Variants in TRIP12 observed in about 807,000 individuals in gnomAD.
TRIP12 encodes the protein thyroid hormone receptor interactor 12.
A neutral mutation model predicts 244.2 loss-of-function variants in TRIP12; 25 were observed. That is an observed-to-expected ratio of 0.10 (90% confidence interval 0.07 to 0.14). The LOEUF (loss-of-function observed/expected upper bound fraction) is 0.14. TRIP12 is among the 10% of genes least tolerant of loss of function. The probability of loss-of-function intolerance (pLI) is 1.00; values close to 1 mark genes in which losing one functional copy is unlikely to be tolerated. For synonymous variants in TRIP12, 905 were observed against 873.1 expected, an observed-to-expected ratio of 1.04 and a Z score of -0.64; for missense variants, 1,677 against 2,486.4, an observed-to-expected ratio of 0.67 and a Z score of 6.92.
intron 1 of TRIP12, among the ~76,000 whole-genome samples, chr2:229,905,424 A>T (rs375796901): frequency 7.9e-5 from 12 of 152,344 alleles, no homozygotes; most frequent in African/African-American, 2.9e-4. Context: ...GCAAAACGTT[A>T]TACACAATAA....
rs770166780 is a variant in TRIP12 at position 229,796,556 on chromosome 2, C to A, written c.3816+35G>T. Reference sequence around the variant, plus strand: ...ATATATGCATTAGTGAGCACTGATTCTTAAAAGATACACAGGCATTATTAG... The same window carrying A: ...ATATATGCATTAGTGAGCACTGATTATTAAAAGATACACAGGCATTATTAG... On this transcript the variant is annotated intron_variant, in intron 25 of 41. Coordinates refer to ENST00000675903, the MANE Select transcript of TRIP12 (RefSeq NM_001348323.3). 146 of 1,519,710 alleles carry A rather than the reference C, an allele frequency of 9.6e-5. No individual in the cohort carries two copies. The Middle Eastern group carries it at 1.3e-3, about 14-fold the overall frequency. 94.1% of individuals were successfully genotyped at this position (1,519,710 alleles called of 1,614,324 possible). A position where few individuals can be genotyped will look rare whatever the true frequency, so the allele number is the denominator to read the frequency against.
At chr2:229,922,827 T>C (rs1317346642), upstream of TRIP12, among the ~76,000 whole-genome samples, 1 of 152,172 alleles carries the variant, frequency 6.6e-6, no homozygotes, top group Non-Finnish European at 1.5e-5. Flanking sequence ...CTGGCAAGCC[T>C]TCTCTGCCTC....
chr2:229,889,669 T>C (rs2066867420), intron 1 of TRIP12, among the ~76,000 whole-genome samples: 1 of 152,188 alleles, frequency 6.6e-6, no homozygotes, highest in East Asian at 1.9e-4. Flanking sequence ...CAGTTCCAAA[T>C]TTTTTAAGAC....
At chr2:229,911,863 G>A (rs1411545897) in intron 1 of TRIP12, among the ~76,000 whole-genome samples, 1 of 151,728 alleles carries the variant, frequency 6.6e-6, no homozygotes. Flanking sequence ...CCCAGAGTCA[G>A]TAATGGCTAG....
Position 229,767,068 on chromosome 2 carries a change from G to C in TRIP12, c.*486C>G, listed in dbSNP as rs2032012067. The C allele has an allele frequency of 6.6e-6, 1 of 152,656 alleles. No individual in the cohort carries two copies. Among genetic ancestry groups the C allele is most frequent in the Non-Finnish European group, 1.5e-5 (1 of 68,324 alleles). 9.5% of individuals were successfully genotyped at this position (152,656 alleles called of 1,614,324 possible). A position where few individuals can be genotyped will look rare whatever the true frequency, so the allele number is the denominator to read the frequency against. On this transcript the variant is annotated 3_prime_UTR_variant, in exon 42 of 42. Coordinates refer to ENST00000675903, the MANE Select transcript of TRIP12 (RefSeq NM_001348323.3). Reference sequence around the variant, plus strand: ...ATGAATCAGGGAGAGAAAATCAGAGGAAAGTGAAAAGCACATAGAGCTAGT... The same window carrying C: ...ATGAATCAGGGAGAGAAAATCAGAGCAAAGTGAAAAGCACATAGAGCTAGT...
At chr2:229,855,979 G>A (rs1289150838) in intron 4 of TRIP12, among the ~76,000 whole-genome samples, 6 of 151,562 alleles carry the variant, frequency 4.0e-5, no homozygotes, top group Non-Finnish European at 7.4e-5. Context: ...TAGAGGTTGC[G>A]GTGAGCCAAC....
At chr2:229,812,527 C>T (rs114633277) in intron 13 of TRIP12, among the ~76,000 whole-genome samples, 2,251 of 152,166 alleles carry the variant, frequency 0.015, 48 homozygotes, top group African/African-American at 0.051. Context: ...CTTATTTGGT[C>T]GGGTGCCATG....
intron 1 of TRIP12, among the ~76,000 whole-genome samples, chr2:229,920,468 T>TC (rs1216335203): frequency 6.6e-6 from 1 of 151,066 alleles, no homozygotes; most frequent in Admixed American, 6.6e-5. Context: ...CGTACCCGCC[T>TC]CCCCCCGCAC....
intron 8 of TRIP12, among the ~76,000 whole-genome samples, chr2:229,823,256 A>C (rs182706729): frequency 6.6e-6 from 1 of 152,356 alleles, no homozygotes; most frequent in African/African-American, 2.4e-5. Context: ...ATTAAGGGTC[A>C]AGGAAACATC....
At chr2:229,908,589 G>A (rs562202560) in intron 1 of TRIP12, among the ~76,000 whole-genome samples, 15 of 151,952 alleles carry the variant, frequency 9.9e-5, no homozygotes, top group Non-Finnish European at 1.3e-4. Flanking sequence ...AAAATTAGCC[G>A]GGCGTGGTGG....
intron 2 of TRIP12, among the ~76,000 whole-genome samples, chr2:229,868,226 G>A (rs2061912661): frequency 6.6e-6 from 1 of 152,092 alleles, no homozygotes; most frequent in Non-Finnish European, 1.5e-5. Flanking sequence ...TTTATTTTTT[G>A]AGACAGGGTC....
Position 229,791,926 on chromosome 2 carries a change from G to A in TRIP12, c.4355C>T (p.Thr1452Ile). The A allele has an allele frequency of 6.2e-7, 1 of 1,614,120 alleles. No homozygotes were observed. Among genetic ancestry groups the A allele is most frequent in the South Asian group, 1.1e-5 (1 of 91,080 alleles). ...GCCTAGAGGATTGCTCTCATCATCT[G>A]TGGATTCTCTTTCATCTTCAGCCTG... The part of the protein sequence containing the change: ...SIQAEDERES[T>I]DDESNPLGRA... Residue 1452 changes from threonine to isoleucine, a missense_variant, in exon 29 of 42, where the codon ACA (threonine) becomes ATA (isoleucine). Thr to Ile is a moderately conservative substitution (Grantham distance 89). Transcript: ENST00000675903.
intron 20 of TRIP12, 102 bp downstream of exon 20, chr2:229,803,469 T>C (rs1559509885): frequency 1.9e-5 from 14 of 740,254 alleles, no homozygotes; most frequent in Non-Finnish European, 2.9e-5. Context: ...TTAAATGTCA[T>C]TTTTAAATTG....
At chr2:229,917,265 C>T (rs1266730401) in intron 1 of TRIP12, among the ~76,000 whole-genome samples, 1 of 151,440 alleles carries the variant, frequency 6.6e-6, no homozygotes, top group East Asian at 1.9e-4. Context: ...CCTGTAGTCC[C>T]AGCTACTCGG....
At chr2:229,908,074 A>G (rs958701329) in intron 1 of TRIP12, among the ~76,000 whole-genome samples, 1 of 152,144 alleles carries the variant, frequency 6.6e-6, no homozygotes, top group African/African-American at 2.4e-5. Context: ...TTATTCATAC[A>G]TTATCACATT....
intron 1 of TRIP12, among the ~76,000 whole-genome samples, chr2:229,881,583 A>C (rs889265535): frequency 3.9e-5 from 6 of 152,246 alleles, no homozygotes; most frequent in Non-Finnish European, 7.3e-5. Flanking sequence ...GACTGTTTCT[A>C]TCACATATGT....
chr2:229,860,712 T>C (rs1205116306), intron 2 of TRIP12, among the ~76,000 whole-genome samples, 181 bp from the exon 3 acceptor site: 1 of 152,130 alleles, frequency 6.6e-6, no homozygotes, highest in African/African-American at 2.4e-5. Flanking sequence ...CAAAAAGAAA[T>C]TGCCTCTCAG....
Position 229,764,043 on chromosome 2 carries a change from A to C in TRIP12, c.*3511T>G, listed in dbSNP as rs2031097927. 1 of 152,256 alleles carries C rather than the reference A, an allele frequency of 6.6e-6. No homozygotes were observed. The highest frequency in any genetic ancestry group is 1.5e-5 in the Non-Finnish European group (1 of 68,042). 9.4% of individuals were successfully genotyped at this position (152,256 alleles called of 1,614,324 possible). On this transcript the variant is annotated 3_prime_UTR_variant, in exon 42 of 42. Coordinates refer to ENST00000675903, the MANE Select transcript of TRIP12 (RefSeq NM_001348323.3). ...AAATATGAGTCGGCTTGTAGTAAAA[A>C]TAAAACCACCTCTTCCATTATTAAA...
chr2:229,806,886 G>T (rs1039699706), intron 17 of TRIP12, among the ~76,000 whole-genome samples: 1 of 152,168 alleles, frequency 6.6e-6, no homozygotes, highest in African/African-American at 2.4e-5. Flanking sequence ...AAACATCAAA[G>T]ATTGAAATTA....
Sources: allele counts gnomAD v4.1 joint callset (sites outside exome capture counted in the v4.1 genomes callset), GRCh38; gene constraint gnomAD v4.1.1; transcripts MANE v1.5; gene names NCBI Gene and HGNC (gene_info 2026-07-23, HGNC 2026-07-21).